Variants in SGCZ observed in about 807,000 individuals in gnomAD.
SGCZ encodes zeta-sarcoglycan.
Under a neutral mutation model 41.3 loss-of-function variants are expected in SGCZ, and 40 were observed. The observed-to-expected ratio is 0.97, with a 90% CI of 0.75 to 1.26. The LOEUF (loss-of-function observed/expected upper bound fraction) is 1.26. Ranked by LOEUF, SGCZ falls within the 50% of genes most tolerant of loss-of-function variation. The pLI is 0.00. For synonymous variants in SGCZ, 206 were observed against 137.5 expected, an observed-to-expected ratio of 1.50 and a Z score of -3.49; for missense variants, 552 against 369.8, an observed-to-expected ratio of 1.49 and a Z score of -4.04.
chr8:14,566,222 A>G (rs1414221866), intron 1 of SGCZ, among the ~76,000 whole-genome samples: 1 of 152,218 alleles, frequency 6.6e-6, no homozygotes, highest in Non-Finnish European at 1.5e-5. Flanking sequence ...TAATAATTTT[A>G]TTTTTATTCT....
intron 1 of SGCZ, among the ~76,000 whole-genome samples, chr8:14,797,740 A>G (rs1299908654): frequency 1.3e-5 from 2 of 152,148 alleles, no homozygotes; most frequent in Admixed American, 6.5e-5. Context: ...CTAGGAGGAA[A>G]TAATGGTTTC....
chr8:14,398,546 G>C (rs36002179), intron 2 of SGCZ, among the ~76,000 whole-genome samples: 54,632 of 151,946 alleles, frequency 0.36, 10,811 homozygotes, highest in African/African-American at 0.53. Context: ...TTTATTTGGG[G>C]TAAGGTTGAG....
At chr8:14,486,067 T>C (rs1241130126) in intron 2 of SGCZ, among the ~76,000 whole-genome samples, 1 of 152,192 alleles carries the variant, frequency 6.6e-6, no homozygotes, top group Non-Finnish European at 1.5e-5. Context: ...ACTGATACAA[T>C]ACAAAATAAC....
chr8:14,801,106 C>T (rs2246916), intron 1 of SGCZ, among the ~76,000 whole-genome samples: 67,589 of 151,992 alleles, frequency 0.44, 15,671 homozygotes, highest in East Asian at 0.73. Context: ...CCATTCCTTC[C>T]AGCCAATCTA....
At chr8:14,610,864 C>T (rs182206715) in intron 1 of SGCZ, among the ~76,000 whole-genome samples, 15 of 152,230 alleles carry the variant, frequency 9.9e-5, no homozygotes, top group African/African-American at 2.6e-4. Context: ...ATGGAAGATA[C>T]GGAAAGTCAA....
chr8:14,792,451 T>C (rs572457951), intron 1 of SGCZ, among the ~76,000 whole-genome samples: 8 of 152,318 alleles, frequency 5.3e-5, no homozygotes, highest in Admixed American at 2.6e-4. Flanking sequence ...CCATTCATGC[T>C]TCTATCCTCT....
chr8:14,647,430 A>G (rs12674598), intron 1 of SGCZ, among the ~76,000 whole-genome samples: 29,577 of 151,932 alleles, frequency 0.19, 3,397 homozygotes, highest in East Asian at 0.59. Flanking sequence ...TGATCTATTT[A>G]GAGACCTAGA....
At chr8:14,403,447 A>G (rs1799131768) in intron 2 of SGCZ, among the ~76,000 whole-genome samples, 1 of 151,680 alleles carries the variant, frequency 6.6e-6, no homozygotes, top group Non-Finnish European at 1.5e-5. Context: ...AGCTCTTATT[A>G]TTTTGAAATA....
chr8:14,223,610 T>C (rs148112032), intron 4 of SGCZ, among the ~76,000 whole-genome samples: 1 of 152,282 alleles, frequency 6.6e-6, no homozygotes, highest in East Asian at 1.9e-4. Flanking sequence ...TTCAATGTCC[T>C]GTCAGTTATT....
At chr8:14,386,356 C>G (rs992443896) in intron 2 of SGCZ, among the ~76,000 whole-genome samples, 2 of 150,290 alleles carry the variant, frequency 1.3e-5, no homozygotes, top group Admixed American at 6.6e-5. Flanking sequence ...GAGAAATACA[C>G]ATAAAACTGG....
intron 4 of SGCZ, among the ~76,000 whole-genome samples, chr8:14,185,289 A>T (rs1351460909): frequency 6.6e-6 from 1 of 152,060 alleles, no homozygotes; most frequent in South Asian, 2.1e-4. Flanking sequence ...CTGTAGTCCT[A>T]GCTACTCGCA....
At chr8:14,184,172 A>G (rs1362682477) in intron 4 of SGCZ, among the ~76,000 whole-genome samples, 1 of 151,858 alleles carries the variant, frequency 6.6e-6, no homozygotes, top group Non-Finnish European at 1.5e-5. Context: ...AACAAATTCC[A>G]GTATATTTAA....
chr8:14,955,527 T>C (rs1441641479), intron 1 of SGCZ, among the ~76,000 whole-genome samples: 1 of 152,220 alleles, frequency 6.6e-6, no homozygotes, highest in Admixed American at 6.5e-5. Flanking sequence ...AAGAAACATA[T>C]GACACTCATG....
Position 14,612,372 on chromosome 8 carries a change from G to A in SGCZ, c.40-57446C>T, listed in dbSNP as rs147594241. 8.9e-4 allele frequency among the ~76,000 whole-genome samples: 135 copies of A among 152,256 alleles called. 3 individuals carry two copies. In the East Asian group the frequency reaches 0.025, roughly 28 times the overall value. On this transcript the variant is annotated intron_variant, in intron 1 of 7. Transcript: ENST00000382080. ...ATTCTCCGGCTCCCTTATGAAAAAGGTGTTTGCTTCCCCTTCACCTTCTGC... is the reference window on the plus strand; with the variant it reads ...ATTCTCCGGCTCCCTTATGAAAAAGATGTTTGCTTCCCCTTCACCTTCTGC...
chr8:14,752,558 T>A (rs1351437098), intron 1 of SGCZ, among the ~76,000 whole-genome samples: 2 of 152,174 alleles, frequency 1.3e-5, no homozygotes, highest in African/African-American at 4.8e-5. Context: ...TCTGTGACAG[T>A]ACGCACTCTC....
intron 1 of SGCZ, among the ~76,000 whole-genome samples, chr8:14,868,543 G>A (rs962742265): frequency 2.0e-5 from 3 of 152,088 alleles, no homozygotes; most frequent in African/African-American, 7.2e-5. Flanking sequence ...AAGAATGACT[G>A]AATCGAGTAA....
chr8:14,461,413 T>C (rs1195200602), intron 2 of SGCZ, among the ~76,000 whole-genome samples: 1 of 152,112 alleles, frequency 6.6e-6, no homozygotes, highest in Admixed American at 6.6e-5. Flanking sequence ...ATGTGTAATT[T>C]CTTTCACAGT....
At chr8:14,295,042 C>T (rs1585330422) in intron 3 of SGCZ, among the ~76,000 whole-genome samples, 1 of 152,072 alleles carries the variant, frequency 6.6e-6, no homozygotes, top group Non-Finnish European at 1.5e-5. Context: ...AAATTAACCA[C>T]CTCCTATGTG....
At chr8:14,097,607 C>G (rs1286477299) in intron 7 of SGCZ, among the ~76,000 whole-genome samples, 3 of 150,554 alleles carry the variant, frequency 2.0e-5, no homozygotes, top group Non-Finnish European at 4.5e-5. Context: ...CTTAGGTCTC[C>G]TTTGTCCAGA....
Sources: allele counts gnomAD v4.1 joint callset (sites outside exome capture counted in the v4.1 genomes callset), GRCh38; gene constraint gnomAD v4.1.1; transcripts MANE v1.5; gene names NCBI Gene and HGNC (gene_info 2026-07-23, HGNC 2026-07-21).